GABRG3: variants seen among roughly 807,000 people sequenced by gnomAD.
GABRG3 encodes gamma-aminobutyric acid receptor subunit gamma-3.
In GABRG3, 25 loss-of-function variants were observed where a neutral mutation model predicts 48.8. The observed-to-expected ratio is 0.51, with a 90% confidence interval of 0.37 to 0.72. GABRG3 has a LOEUF of 0.72. GABRG3 is among the 30% of genes least tolerant of loss of function. The pLI, the probability that GABRG3 is intolerant of heterozygous loss-of-function variation, is 0.00. For synonymous variants in GABRG3, 227 were observed against 217.6 expected, an observed-to-expected ratio of 1.04 and a Z score of -0.38; for missense variants, 394 against 577.9, an observed-to-expected ratio of 0.68 and a Z score of 3.26.
At chr15:27,500,344 C>G (rs556831687) in intron 6 of GABRG3, among the ~76,000 whole-genome samples, 49 of 152,256 alleles carry the variant, frequency 3.2e-4, no homozygotes, top group Middle Eastern at 6.8e-3. Context: ...ACACACAGCC[C>G]GAGGCAGAAG....
intron 3 of GABRG3, among the ~76,000 whole-genome samples, chr15:27,279,071 A>G (rs1891348719): frequency 6.6e-6 from 1 of 152,154 alleles, no homozygotes; most frequent in Non-Finnish European, 1.5e-5. Flanking sequence ...ATTTGCCATC[A>G]GTATCTCCTC....
chr15:27,342,144 C>A (rs1053627625), intron 5 of GABRG3, among the ~76,000 whole-genome samples: 2 of 152,240 alleles, frequency 1.3e-5, no homozygotes, highest in African/African-American at 4.8e-5. Flanking sequence ...TGGCCTGACA[C>A]AGGCCCAGCG....
At chr15:27,086,290 T>G (rs1026357607) in intron 3 of GABRG3, among the ~76,000 whole-genome samples, 5 of 152,158 alleles carry the variant, frequency 3.3e-5, no homozygotes, top group African/African-American at 1.2e-4. Flanking sequence ...GTGAGCAGCC[T>G]GCTCCTACTG....
At position 27,346,066 on chromosome 15, in the gene GABRG3, AGAGAG is replaced by A. The variant is rs1566797002; in HGVS notation, c.574+17179_574+17183del. 3.3e-3 allele frequency among the ~76,000 whole-genome samples: 332 copies of A among 100,870 alleles called. 4 individuals carry two copies. The highest frequency in any genetic ancestry group is 9.8e-3 in the African/African-American group (251 of 25,594). 66.2% of individuals were successfully genotyped at this position (100,870 alleles called of 152,430 possible). ...GAGACTCCCTCTCNAAAANNAAAAA[AGAGAG>A]AGAAAGAAGAGAGAGAAAGAAAGAA... On this transcript the variant is annotated intron_variant, in intron 5 of 9. Coordinates refer to ENST00000615808, the MANE Select transcript of GABRG3 (RefSeq NM_033223.5).
At chr15:27,401,853 TA>T (rs1887483710) in intron 5 of GABRG3, among the ~76,000 whole-genome samples, 1 of 151,908 alleles carries the variant, frequency 6.6e-6, no homozygotes, top group South Asian at 2.1e-4. Flanking sequence ...ACAATATTTT[TA>T]AAGAGGAGAA....
chr15:27,284,377 T>C (rs940778824), intron 3 of GABRG3, among the ~76,000 whole-genome samples: 2 of 152,340 alleles, frequency 1.3e-5, no homozygotes, highest in African/African-American at 4.8e-5. Flanking sequence ...ATTTGCCAAG[T>C]GACCCTTGAT....
intron 3 of GABRG3, among the ~76,000 whole-genome samples, chr15:27,174,617 T>TCA (rs1188513263): frequency 2.0e-5 from 3 of 147,078 alleles, no homozygotes; most frequent in Non-Finnish European, 4.5e-5. Context: ...TCTCTCTCTC[T>TCA]CACTCTCACA....
chr15:27,345,864 G>A (rs913253095), intron 5 of GABRG3, among the ~76,000 whole-genome samples: 1 of 151,946 alleles, frequency 6.6e-6, no homozygotes, highest in Non-Finnish European at 1.5e-5. Context: ...GACCAGCCTG[G>A]CCAATGTGGT....
intron 3 of GABRG3, among the ~76,000 whole-genome samples, chr15:27,137,705 G>A (rs1194858095): frequency 6.6e-6 from 1 of 152,134 alleles, no homozygotes; most frequent in African/African-American, 2.4e-5. Flanking sequence ...CACAGGACTT[G>A]TCTCTAGTTG....
chr15:27,150,933 C>G (rs776160911), intron 3 of GABRG3, among the ~76,000 whole-genome samples: 1 of 152,164 alleles, frequency 6.6e-6, no homozygotes, highest in Non-Finnish European at 1.5e-5. Context: ...ACTGGCTGCT[C>G]AGGTAATGAT....
rs554489956 is a variant in GABRG3 at position 27,121,758 on chromosome 15, C to G, written c.270+94937C>G. On this transcript the variant is annotated intron_variant, in intron 3 of 9. Coordinates refer to ENST00000615808, the MANE Select transcript of GABRG3 (RefSeq NM_033223.5). ...TATACATAACCTTAAAAGGTTGAGT[C>G]TATAAGATCTGTTTGGCTAATAAAA... 3.3e-5 allele frequency among the ~76,000 whole-genome samples: 5 copies of G among 152,314 alleles called. No individual in the cohort carries two copies. In the South Asian group the frequency reaches 1.0e-3, roughly 32 times the overall value.
At chr15:27,466,706 C>T (rs1382904852) in intron 5 of GABRG3, among the ~76,000 whole-genome samples, 1 of 152,076 alleles carries the variant, frequency 6.6e-6, no homozygotes, top group Non-Finnish European at 1.5e-5. Flanking sequence ...CCGTTGTATC[C>T]TAGTTGGAAG....
intron 7 of GABRG3, 77 bp from the exon 8 acceptor site, chr15:27,527,356 G>C: frequency 7.4e-7 from 1 of 1,360,434 alleles, no homozygotes; most frequent in Non-Finnish European, 1.0e-6. Context: ...TGCTGGGGTG[G>C]AGGGATGTGG....
At chr15:27,216,747 A>ATTTT (rs1889263827) in intron 3 of GABRG3, among the ~76,000 whole-genome samples, 2 of 96,740 alleles carry the variant, frequency 2.1e-5, no homozygotes, top group Admixed American at 1.1e-4. Flanking sequence ...TTTTTTTTTT[A>ATTTT]TTTTTTATTT....
chr15:27,510,958 C>T (rs1284061780), intron 6 of GABRG3, among the ~76,000 whole-genome samples: 2 of 152,096 alleles, frequency 1.3e-5, no homozygotes, highest in African/African-American at 4.8e-5. Context: ...ATAAACTCAA[C>T]TCTTTATATA....
At chr15:27,129,348 A>T (rs1442114100) in intron 3 of GABRG3, among the ~76,000 whole-genome samples, 1 of 152,212 alleles carries the variant, frequency 6.6e-6, no homozygotes, top group Non-Finnish European at 1.5e-5. Context: ...TTTAGCATTA[A>T]TGTCTTCAAG....
chr15:27,097,006 ATT>A lies in GABRG3; in HGVS notation c.270+70201_270+70202del, dbSNP rs36057231. Among the ~76,000 whole-genome samples the A allele has an allele frequency of 3.2e-3, 424 of 131,694 alleles. 2 individuals are homozygous for A. The highest frequency in any genetic ancestry group is 0.012 in the Middle Eastern group (3 of 252). The allele number at this position is 131,694 out of a possible 152,430, so 86.4% of individuals were successfully genotyped here. On this transcript the variant is annotated intron_variant, in intron 3 of 9. Coordinates refer to ENST00000615808, the MANE Select transcript of GABRG3 (RefSeq NM_033223.5). ...AAGGAACATGCCACCATACCCGGCTATTTTTTTTTTTTTTTTTGTATTTTTAA... is the reference window on the plus strand; with the variant it reads ...AAGGAACATGCCACCATACCCGGCTATTTTTTTTTTTTTTTGTATTTTTAA...
chr15:27,134,431 C>A (rs969754), intron 3 of GABRG3, among the ~76,000 whole-genome samples: 49,582 of 151,784 alleles, frequency 0.33, 8,703 homozygotes, highest in Middle Eastern at 0.41. Flanking sequence ...TTAGAAACAC[C>A]CTCCTGTTCA....
At chr15:27,283,332 G>A (rs147304743) in intron 3 of GABRG3, among the ~76,000 whole-genome samples, 17 of 152,164 alleles carry the variant, frequency 1.1e-4, no homozygotes, top group Non-Finnish European at 1.5e-5. Flanking sequence ...GGCCGGGCAC[G>A]GTGGCTCATG....
Sources: allele counts gnomAD v4.1 joint callset (sites outside exome capture counted in the v4.1 genomes callset), GRCh38; gene constraint gnomAD v4.1.1; transcripts MANE v1.5; gene names NCBI Gene and HGNC (gene_info 2026-07-23, HGNC 2026-07-21).